NPNT: variants seen among roughly 807,000 people sequenced by gnomAD.
NPNT encodes nephronectin, also known as preosteoblast EGF-like repeat protein with MAM domain.
In NPNT, 45 loss-of-function variants were observed where a neutral mutation model predicts 68.6. That is an observed-to-expected ratio of 0.66 (90% CI 0.52 to 0.84). NPNT has a LOEUF of 0.84. NPNT is among the 40% of genes least tolerant of loss of function. The probability of loss-of-function intolerance (pLI) is 0.00; values close to 1 mark genes in which losing one functional copy is unlikely to be tolerated. For missense variants in NPNT, 672 were observed against 714.8 expected (o/e 0.94, Z 0.68); for synonymous variants, 233 against 253.3 (o/e 0.92, Z 0.76).
At chr4:105,956,602 C>T (rs953191299) in intron 8 of NPNT, among the ~76,000 whole-genome samples, 1 of 152,128 alleles carries the variant, frequency 6.6e-6, no homozygotes, top group Non-Finnish European at 1.5e-5. Flanking sequence ...GGGACAAAAA[C>T]ATGATTGTTC....
intron 10 of NPNT, among the ~76,000 whole-genome samples, chr4:105,966,205 T>A (rs890971616): frequency 6.6e-6 from 1 of 152,220 alleles, no homozygotes; most frequent in Non-Finnish European, 1.5e-5. Flanking sequence ...ATACAGTGTG[T>A]TTTCAGTTGA....
At chr4:105,947,092 T>C (rs1730448131) in intron 8 of NPNT, among the ~76,000 whole-genome samples, 1 of 152,194 alleles carries the variant, frequency 6.6e-6, no homozygotes, top group Non-Finnish European at 1.5e-5. Context: ...GGAAAAGAAT[T>C]TAGCAATATT....
intron 8 of NPNT, among the ~76,000 whole-genome samples, chr4:105,948,230 C>T (rs1187206651): frequency 6.6e-6 from 1 of 151,928 alleles, no homozygotes; most frequent in Non-Finnish European, 1.5e-5. Flanking sequence ...TAGTGAAAAG[C>T]ATAGAAAAGG....
intron 2 of NPNT, among the ~76,000 whole-genome samples, chr4:105,917,850 G>C (rs567580041): frequency 6.6e-6 from 1 of 152,170 alleles, no homozygotes; most frequent in Non-Finnish European, 1.5e-5. Flanking sequence ...CAATGGGATA[G>C]GCAAGGGTCA....
At chr4:105,922,981 G>A (rs895630357) in intron 2 of NPNT, among the ~76,000 whole-genome samples, 13 of 152,164 alleles carry the variant, frequency 8.5e-5, no homozygotes, top group Non-Finnish European at 1.8e-4. Context: ...TGATCCACAC[G>A]AAGGTCAGAG....
At chr4:105,949,617 C>T (rs2149387730) in intron 8 of NPNT, among the ~76,000 whole-genome samples, 1 of 152,072 alleles carries the variant, frequency 6.6e-6, no homozygotes, top group East Asian at 1.9e-4. Context: ...AATCCCAGGG[C>T]AAAGAAACTC....
At chr4:105,933,215 A>G (rs560811483) in intron 3 of NPNT, among the ~76,000 whole-genome samples, 10 of 152,314 alleles carry the variant, frequency 6.6e-5, no homozygotes, top group Non-Finnish European at 1.3e-4. Context: ...GATTATAAGC[A>G]AGTCATTAAC....
chr4:105,930,156 G>A (rs1373372508), intron 3 of NPNT, among the ~76,000 whole-genome samples: 1 of 152,306 alleles, frequency 6.6e-6, no homozygotes, highest in South Asian at 2.1e-4. Context: ...CAGTGTGGCA[G>A]GTTCCTGATG....
At chr4:105,908,206 G>C (rs551684916) in intron 2 of NPNT, among the ~76,000 whole-genome samples, 1 of 151,692 alleles carries the variant, frequency 6.6e-6, no homozygotes, top group Admixed American at 6.6e-5. Flanking sequence ...AGCTTTGGTA[G>C]ATACTAGATG....
chr4:105,937,013 A>C lies in NPNT; in HGVS notation c.270A>C (p.Leu90=), dbSNP rs371961951. The change falls in exon 4 of 12, where the codon CTA becomes CTC. Residue 90 remains leucine, a synonymous_variant. Transcript: ENST00000379987. ...GYAGKTCNQD[L]NECGLKPRPC... is the part of the protein sequence containing the mutation. ...TTCAACCCACATTGTTTTCAGATCT[A>C]AATGAGTGTGGCCTGAAGCCCCGGC... The C allele has an allele frequency of 2.2e-4, 349 of 1,612,818 alleles. 1 individual carries two copies. The highest frequency in any genetic ancestry group is 5.9e-4 in the Admixed American group (35 of 59,772).
chr4:105,949,234 A>T (rs1730622365), intron 8 of NPNT, among the ~76,000 whole-genome samples: 1 of 152,188 alleles, frequency 6.6e-6, no homozygotes, highest in African/African-American at 2.4e-5. Context: ...CAATATTGCA[A>T]ATCTCTAAGA....
rs927632701 is a variant in NPNT, at chr4:105,971,160, T to C, written c.*2170T>C. 1 of 455,644 alleles carries C rather than the reference T, an allele frequency of 2.2e-6. No individual in the cohort carries two copies. Among genetic ancestry groups the C allele is most frequent in the African/African-American group, 2.0e-5 (1 of 49,788 alleles). The allele number at this position is 455,644 out of a possible 1,614,324, so 28.2% of individuals were successfully genotyped here. A position where few individuals can be genotyped will look rare whatever the true frequency, so the allele number is the denominator to read the frequency against. The stretch of plus-strand genomic sequence containing the variant: ...TCAGAGAGATTTTCATCGGGTGCAT[T>C]CTCTCTGCTTCGTGTGTGACAAGTT... On this transcript the variant is annotated 3_prime_UTR_variant, in exon 12 of 12. Transcript: ENST00000379987.
chr4:105,958,962 A>G (rs1731464773), intron 9 of NPNT, 66 bp from the exon 10 acceptor site: 1 of 1,008,546 alleles, frequency 9.9e-7, no homozygotes, highest in Non-Finnish European at 1.6e-6. Flanking sequence ...CCCCTAGTTC[A>G]TAGATTCATT....
chr4:105,903,873 C>T (rs1289256587), intron 2 of NPNT, among the ~76,000 whole-genome samples: 1 of 151,056 alleles, frequency 6.6e-6, no homozygotes, highest in African/African-American at 2.4e-5. Context: ...GAACCCTTAC[C>T]TCCTGGGCTC....
rs2149420748 is a variant in NPNT at position 105,970,483 on chromosome 4, A to G, written c.*1493A>G. 2.9e-6 allele frequency: 2 copies of G among 696,004 alleles called. No individual in the cohort carries two copies. Among genetic ancestry groups the G allele is most frequent in the South Asian group, 3.0e-5 (2 of 67,440 alleles). The allele number at this position is 696,004 out of a possible 1,614,324, so 43.1% of individuals were successfully genotyped here. On this transcript the variant is annotated 3_prime_UTR_variant, in exon 12 of 12. Coordinates refer to ENST00000379987, the MANE Select transcript of NPNT (RefSeq NM_001033047.3). ...CCTGGAGAAGAGAAGACTGAGGGGC[A>G]AACCATTGATGGTTTTCAAGTATAT...
In NPNT at chr4:105,964,958, T is replaced by A. The variant is rs1055053085; in HGVS notation, c.1346-2230T>A. ...ACTGCAAATATAGTATTCCTTTTTT[T>A]AAAAAAAGTTCATATTCATGTGCAT... On this transcript the variant is annotated intron_variant, in intron 10 of 11. Coordinates refer to ENST00000379987, the MANE Select transcript of NPNT (RefSeq NM_001033047.3). Among the ~76,000 whole-genome samples, 37 of 152,272 alleles carry A rather than the reference T, an allele frequency of 2.4e-4. 1 individual carries two copies. Among genetic ancestry groups the A allele is most frequent in the East Asian group, 5.8e-4 (3 of 5,190 alleles).
intron 2 of NPNT, among the ~76,000 whole-genome samples, chr4:105,903,504 T>C (rs911319314): frequency 1.3e-5 from 2 of 152,216 alleles, no homozygotes; most frequent in African/African-American, 4.8e-5. Flanking sequence ...TTTTGTGCAA[T>C]ATTTTAAATT....
chr4:105,963,231 AT>A (rs1420636869), intron 10 of NPNT, among the ~76,000 whole-genome samples: 161 of 152,262 alleles, frequency 1.1e-3, no homozygotes, highest in African/African-American at 3.6e-3. Flanking sequence ...TCAAAAAAAA[AT>A]AATAAATAAT....
At chr4:105,937,367 T>C (rs1441905580) in intron 4 of NPNT, among the ~76,000 whole-genome samples, 1 of 151,710 alleles carries the variant, frequency 6.6e-6, no homozygotes, top group Non-Finnish European at 1.5e-5. Context: ...AGAATAAGAA[T>C]TACAAAACTA....
Sources: gnomAD v4.1 joint callset for allele counts (sites outside exome capture counted in the v4.1 genomes callset) on GRCh38, gnomAD v4.1.1 for gene constraint, MANE v1.5 for transcripts, NCBI Gene and HGNC (gene_info 2026-07-23, HGNC 2026-07-21) for gene names.